The following DMD variants were observed in gnomAD, a reference collection of about 807,000 sequenced individuals.
DMD encodes the protein mutant dystrophin.
In DMD, 63 loss-of-function variants were observed where a neutral mutation model predicts 330.1. The ratio of observed to expected loss-of-function variants is 0.19; its 90% confidence interval spans 0.16 to 0.24. The LOEUF is 0.24. DMD is among the 10% of genes least tolerant of loss of function. DMD has a pLI of 1.00. For missense variants in DMD, 3,344 were observed against 2,684.1 expected (o/e 1.25, Z -5.43); for synonymous variants, 1,223 against 959.8 (o/e 1.27, Z -5.07).
At chrX:32,691,624 A>C (rs1261492633) in intron 9 of DMD, among the ~76,000 whole-genome samples, 1 of 110,708 alleles carries the variant, frequency 9.0e-6, no homozygotes, top group Non-Finnish European at 1.9e-5. Context: ...TAAAAACAGA[A>C]CTCCCACTTG....
intron 2 of DMD, among the ~76,000 whole-genome samples, chrX:32,921,504 T>C (rs112610915): frequency 0.021 from 2,395 of 111,560 alleles, 67 homozygotes; most frequent in African/African-American, 0.075. Flanking sequence ...ATTGATGTTC[T>C]CATACCTTCC....
At chrX:31,601,691 G>A (rs1171300674) in intron 55 of DMD, among the ~76,000 whole-genome samples, 1 of 111,005 alleles carries the variant, frequency 9.0e-6, no homozygotes, top group Non-Finnish European at 1.9e-5. Flanking sequence ...TGTATGCTAC[G>A]AAAAAAATAA....
At chrX:32,884,288 T>C (rs1301451435) in intron 2 of DMD, among the ~76,000 whole-genome samples, 6 of 111,552 alleles carry the variant, frequency 5.4e-5, no homozygotes, top group Non-Finnish European at 9.4e-5. Context: ...TTCAACATAA[T>C]GATTTCCAAT....
intron 6 of DMD, among the ~76,000 whole-genome samples, chrX:32,810,959 G>A (rs1347830562): frequency 9.0e-6 from 1 of 110,753 alleles, no homozygotes; most frequent in East Asian, 2.8e-4. Context: ...ACATAAACAT[G>A]GCTCACTCCT....
intron 61 of DMD, among the ~76,000 whole-genome samples, chrX:31,326,556 T>G (rs2056797718): frequency 1.9e-5 from 2 of 106,370 alleles, no homozygotes; most frequent in South Asian, 4.2e-4. Flanking sequence ...GTTTGAAACC[T>G]TACAATTTTA....
rs191869480 is a variant in DMD at position 32,324,107 on chromosome X, A to G, written c.5923-13831T>C. Reference sequence around the variant, plus strand: ...AAGAGTAGGGTGACTATAATCAACAATATATTGTATCTCTCAAAATACCTA... The same window carrying G: ...AAGAGTAGGGTGACTATAATCAACAGTATATTGTATCTCTCAAAATACCTA... On this transcript the variant is annotated intron_variant, in intron 41 of 78. Coordinates refer to ENST00000357033, the MANE Select transcript of DMD (RefSeq NM_004006.3). Among the ~76,000 whole-genome samples, 625 of 111,130 alleles carry G rather than the reference A, an allele frequency of 5.6e-3. 3 individuals carry two copies. The highest frequency in any genetic ancestry group is 0.019 in the Middle Eastern group (4 of 214).
intron 37 of DMD, among the ~76,000 whole-genome samples, chrX:32,362,288 G>GT (rs1603631688): frequency 1.9e-5 from 1 of 52,788 alleles, no homozygotes; most frequent in Non-Finnish European, 3.2e-5. Flanking sequence ...CAGTAAAGAG[G>GT]TAAAAAAACA....
chrX:32,343,330 T>C (rs754362193), intron 39 of DMD, 44 bp from the exon 40 acceptor site: 1 of 1,090,023 alleles, frequency 9.2e-7, no homozygotes, highest in South Asian at 1.9e-5. Flanking sequence ...TATATATGTA[T>C]AGTGCACTTC....
chrX:32,622,584 A>C (rs759233960), intron 11 of DMD, among the ~76,000 whole-genome samples: 11 of 111,870 alleles, frequency 9.8e-5, no homozygotes, highest in Non-Finnish European at 2.1e-4. Flanking sequence ...ATAGGACAAA[A>C]TTGAGTATCA....
In DMD at chrX:32,595,816, C is replaced by T; in HGVS notation, c.1543G>A (p.Val515Met). 8.3e-7 allele frequency: 1 copy of T among 1,204,712 alleles called. No individual in the cohort carries two copies. ...TCTCCACTAGATTCATCAACTACCA[C>T]CACCATGTGAGTGAGAGAATTGACC... is the stretch of plus-strand genomic sequence containing the variant. The part of the protein sequence containing the change: ...VRVNSLTHMV[V>M]VVDESSGDHA... Residue 515 changes from valine to methionine, a missense_variant, in exon 13 of 79, where the codon GTG (valine) becomes ATG (methionine). Physicochemically the swap from Val to Met is conservative, Grantham distance 21. Coordinates refer to ENST00000357033, the MANE Select transcript of DMD (RefSeq NM_004006.3).
At chrX:32,583,661 A>G (rs749975078) in intron 13 of DMD, 41 of 111,574 alleles carry the variant, frequency 3.7e-4, no homozygotes, top group African/African-American at 1.2e-3. Flanking sequence ...TTCGTCAAAG[A>G]TGACACCACA....
intron 29 of DMD, among the ~76,000 whole-genome samples, chrX:32,418,293 G>A (rs16998301): frequency 0.15 from 16,313 of 110,568 alleles, 1,027 homozygotes; most frequent in African/African-American, 0.23. Context: ...AGGCAAAGGA[G>A]AATGATAGAC....
At chrX:31,208,116 C>T (rs898609756) in intron 65 of DMD, among the ~76,000 whole-genome samples, 1 of 111,648 alleles carries the variant, frequency 9.0e-6, no homozygotes, top group Non-Finnish European at 1.9e-5. Context: ...CAGAATAATT[C>T]GCCTATTAGC....
At chrX:32,830,079 T>C (rs1424142442) in intron 4 of DMD, among the ~76,000 whole-genome samples, 1 of 111,756 alleles carries the variant, frequency 8.9e-6, no homozygotes, top group Non-Finnish European at 1.9e-5. Flanking sequence ...GGGAGGTATT[T>C]GTCATGCCTG....
chrX:31,601,030 A>C (rs1265510538), intron 55 of DMD, among the ~76,000 whole-genome samples: 1 of 111,232 alleles, frequency 9.0e-6, no homozygotes. Flanking sequence ...TGGGACTCTG[A>C]CTGACTGAGA....
At chrX:32,600,845 T>C (rs1195225775) in intron 12 of DMD, among the ~76,000 whole-genome samples, 1 of 111,199 alleles carries the variant, frequency 9.0e-6, no homozygotes, top group Non-Finnish European at 1.9e-5. Context: ...ATTCAGAAGG[T>C]TCTAGGAATA....
intron 43 of DMD, among the ~76,000 whole-genome samples, chrX:32,232,457 T>G (rs780311768): frequency 2.7e-5 from 3 of 111,266 alleles, no homozygotes; most frequent in Non-Finnish European, 3.8e-5. Context: ...TGTATGTAAC[T>G]GTGGGAGCAG....
At chrX:33,019,450 C>T (rs181522596) in intron 2 of DMD, among the ~76,000 whole-genome samples, 9 of 111,222 alleles carry the variant, frequency 8.1e-5, no homozygotes, top group East Asian at 2.8e-4. Flanking sequence ...GATTGATTTA[C>T]CCAAATCGAG....
At chrX:32,321,197 G>A (rs925117345) in intron 41 of DMD, among the ~76,000 whole-genome samples, 1 of 111,473 alleles carries the variant, frequency 9.0e-6, no homozygotes, top group Non-Finnish European at 1.9e-5. Flanking sequence ...TTGAGAATGG[G>A]TAAATCACAT....
Sources: allele counts gnomAD v4.1 joint callset (sites outside exome capture counted in the v4.1 genomes callset), GRCh38; gene constraint gnomAD v4.1.1; transcripts MANE v1.5; gene names NCBI Gene and HGNC (gene_info 2026-07-23, HGNC 2026-07-21).